GALNT9: variants seen among roughly 807,000 people sequenced by gnomAD.
The protein encoded by GALNT9 is polypeptide N-acetylgalactosaminyltransferase 9, also known as GalNAc transferase 9.
A neutral mutation model predicts 63.1 loss-of-function variants in GALNT9; 47 were observed. The observed-to-expected ratio is 0.75, with a 90% CI of 0.59 to 0.95. GALNT9 has a LOEUF of 0.95. Among genes scored for constraint, GALNT9 ranks in the 40% least tolerant of loss-of-function variants. GALNT9 has a pLI of 0.00. For missense variants in GALNT9, 829 were observed against 874.8 expected (o/e 0.95, Z 0.66); for synonymous variants, 396 against 365.7 (o/e 1.08, Z -0.94).
chr12:132,204,736 TCCTAC>T (rs1386221663), intron 6 of GALNT9, among the ~76,000 whole-genome samples: 1 of 151,812 alleles, frequency 6.6e-6, no homozygotes, highest in East Asian at 1.9e-4. Context: ...TCCCATCCTA[TCCTAC>T]CCTATCCTGT....
chr12:132,294,912 C>T (rs1387533210), intron 1 of GALNT9, among the ~76,000 whole-genome samples: 1 of 152,252 alleles, frequency 6.6e-6, no homozygotes, highest in Non-Finnish European at 1.5e-5. Context: ...CCAGCGTGGC[C>T]TCATATCTTC....
chr12:132,202,910 C>T (rs993764537), intron 7 of GALNT9, among the ~76,000 whole-genome samples: 36 of 152,120 alleles, frequency 2.4e-4, no homozygotes, highest in African/African-American at 8.0e-4. Flanking sequence ...CAACTTGAAG[C>T]GGGTCAGCCA....
At chr12:132,202,197 G>A (rs759686784) in intron 7 of GALNT9, among the ~76,000 whole-genome samples, 5 of 152,258 alleles carry the variant, frequency 3.3e-5, no homozygotes, top group East Asian at 1.9e-4. Flanking sequence ...CCTTGGACAC[G>A]GAGGTGACAG....
intron 8 of GALNT9, among the ~76,000 whole-genome samples, chr12:132,200,037 TGAGGATG>T (rs1325032071): frequency 1.3e-5 from 2 of 151,918 alleles, no homozygotes; most frequent in African/African-American, 4.8e-5. Context: ...CTTGGCTAAT[TGAGGATG>T]GAGTGGGCAG....
In GALNT9 at chr12:132,328,973, C is replaced by T; in HGVS notation, c.231G>A (p.Gln77=). 1 of 1,532,622 alleles carries T rather than the reference C, an allele frequency of 6.5e-7. No homozygotes were observed. Among genetic ancestry groups the T allele is most frequent in the South Asian group, 1.2e-5 (1 of 83,046 alleles). 94.9% of individuals were successfully genotyped at this position (1,532,622 alleles called of 1,614,324 possible). A position where few individuals can be genotyped will look rare whatever the true frequency, so the allele number is the denominator to read the frequency against. The change falls in exon 1 of 11, where the codon CAG becomes CAA. Residue 77 remains glutamine, a synonymous_variant. Transcript: ENST00000328957. ...LDHLEEVVYN[Q]LNGLAKPIGL... The stretch of plus-strand genomic sequence containing the variant: ...CCCGGCGCCCCCGCTCACCGTTGAG[C>T]TGGTTGTAGACCACCTCCTCCAGGT...
chr12:132,292,604 A>G (rs1880903977), intron 1 of GALNT9, among the ~76,000 whole-genome samples: 1 of 152,174 alleles, frequency 6.6e-6, no homozygotes, highest in South Asian at 2.1e-4. Context: ...CACTGCGCAG[A>G]ATGTGGGAAG....
intron 1 of GALNT9, among the ~76,000 whole-genome samples, chr12:132,293,802 C>T (rs1333020114): frequency 2.0e-5 from 3 of 151,786 alleles, no homozygotes; most frequent in Admixed American, 6.6e-5. Context: ...CGGGGGGTCC[C>T]GTATACAGTC....
chr12:132,199,129 G>A (rs1875785908), intron 9 of GALNT9, 45 bp downstream of exon 9: 1 of 1,322,122 alleles, frequency 7.6e-7, no homozygotes, highest in South Asian at 1.2e-5. Flanking sequence ...GGTGGCCTGG[G>A]GTCGTCCCCT....
intron 3 of GALNT9, 118 bp downstream of exon 3, chr12:132,262,341 C>T (rs570770965): frequency 7.6e-5 from 101 of 1,331,698 alleles, no homozygotes; most frequent in African/African-American, 3.2e-4. Context: ...AGAGCCCCTG[C>T]GGACAGATGG....
chr12:132,274,850 A>ACG, intron 2 of GALNT9: 1 of 152,916 alleles, frequency 6.5e-6, no homozygotes, highest in East Asian at 1.9e-4. Context: ...ACACGCACAC[A>ACG]TGCACAGACA....
chr12:132,304,262 C>G (rs370235617), intron 1 of GALNT9, among the ~76,000 whole-genome samples: 7 of 44,578 alleles, frequency 1.6e-4, no homozygotes, highest in Admixed American at 2.4e-4. Context: ...CACCCTCACC[C>G]GGGCACACCC....
intron 1 of GALNT9, among the ~76,000 whole-genome samples, chr12:132,325,484 G>A (rs958918271): frequency 4.6e-5 from 7 of 152,222 alleles, no homozygotes; most frequent in South Asian, 2.1e-4. Context: ...TCCCCAGAGG[G>A]GGGGCCGTGG....
In GALNT9 at chr12:132,329,149, C is replaced by T. The variant is rs1482524776; in HGVS notation, c.55G>A (p.Val19Met). Residue 19 changes from valine (V) to methionine (M), a missense_variant, in exon 1 of 11, where the codon GTG (valine) becomes ATG (methionine). Transcript: ENST00000328957. The stretch of plus-strand genomic sequence containing the variant: ...TACACGGAGAACAGGACGATGCCCA[C>T]GAACACCAGGATGTTCACCGTCAGC... Reference protein sequence around the residue: ...TLLTVNILVFVGIVLFSVYCR... With the variant: ...TLLTVNILVFMGIVLFSVYCR... 4 of 1,549,324 alleles carry T rather than the reference C, an allele frequency of 2.6e-6. No homozygotes were observed. Among genetic ancestry groups the T allele is most frequent in the Admixed American group, 3.9e-5 (2 of 50,948 alleles).
intron 6 of GALNT9, among the ~76,000 whole-genome samples, chr12:132,209,638 C>T (rs909196202): frequency 6.6e-6 from 1 of 152,122 alleles, no homozygotes; most frequent in African/African-American, 2.4e-5. Flanking sequence ...CCTCACGGCT[C>T]ATTTTATGCT....
At chr12:132,272,671 C>T (rs1011560175) in intron 2 of GALNT9, 16 of 152,254 alleles carry the variant, frequency 1.1e-4, no homozygotes, top group African/African-American at 3.4e-4. Flanking sequence ...ATTTCTTTTA[C>T]CCATAATACA....
intron 6 of GALNT9, among the ~76,000 whole-genome samples, chr12:132,213,480 CCA>C (rs1263218562): frequency 1.3e-5 from 2 of 150,546 alleles, no homozygotes; most frequent in African/African-American, 4.9e-5. Flanking sequence ...ACACTCACAC[CCA>C]CACACACGCA....
chr12:132,223,162 C>CCACACAACCCACACTG (rs1877538303), intron 6 of GALNT9, among the ~76,000 whole-genome samples: 3 of 27,728 alleles, frequency 1.1e-4, no homozygotes, highest in African/African-American at 4.4e-4. Context: ...AACCCACACA[C>CCACACAACCCACACTG]CACACAACCC....
chr12:132,243,399 C>T (rs1475810870), intron 6 of GALNT9, among the ~76,000 whole-genome samples: 1 of 151,660 alleles, frequency 6.6e-6, no homozygotes, highest in South Asian at 2.1e-4. Flanking sequence ...GGAGCTCTCT[C>T]TGGTGGGGGC....
At chr12:132,290,881 T>C (rs113670400) in intron 1 of GALNT9, among the ~76,000 whole-genome samples, 4 of 6,732 alleles carry the variant, frequency 5.9e-4, no homozygotes, top group Admixed American at 1.9e-3. Flanking sequence ...CACGTCCACA[T>C]CACCCACATC....
Sources: gnomAD v4.1 joint callset for allele counts (sites outside exome capture counted in the v4.1 genomes callset) on GRCh38, gnomAD v4.1.1 for gene constraint, MANE v1.5 for transcripts, NCBI Gene and HGNC (gene_info 2026-07-23, HGNC 2026-07-21) for gene names.